CDC42BPA: variants seen among roughly 807,000 people sequenced by gnomAD.
The protein encoded by CDC42BPA is CDC42 binding protein kinase alpha.
A neutral mutation model predicts 223.5 loss-of-function variants in CDC42BPA; 80 were observed. The ratio of observed to expected loss-of-function variants is 0.36; its 90% CI spans 0.30 to 0.43. The LOEUF (loss-of-function observed/expected upper bound fraction) is 0.43. CDC42BPA is among the 20% of genes least tolerant of loss of function. The pLI is 1.00. For missense variants in CDC42BPA, 1,743 were observed against 2,099.9 expected, an observed-to-expected ratio of 0.83 and a Z score of 3.32; for synonymous variants, 694 against 718.6, an observed-to-expected ratio of 0.97 and a Z score of 0.55.
intron 1 of CDC42BPA, 47 bp from the exon 2 acceptor site, chr1:227,254,202 G>A (rs1332261788): frequency 1.0e-6 from 1 of 952,564 alleles, no homozygotes; most frequent in Middle Eastern, 2.1e-4. Flanking sequence ...AAAATGTGAT[G>A]CAAATTAGAT....
At chr1:226,996,653 T>C (rs1012543658) in intron 35 of CDC42BPA, among the ~76,000 whole-genome samples, 1 of 152,230 alleles carries the variant, frequency 6.6e-6, no homozygotes, top group Admixed American at 6.6e-5. Flanking sequence ...ACCTAGTTTA[T>C]TGAGTTTTTA....
chr1:227,152,054 C>T (rs976885934), intron 6 of CDC42BPA, among the ~76,000 whole-genome samples: 2 of 151,774 alleles, frequency 1.3e-5, no homozygotes, highest in Non-Finnish European at 2.9e-5. Flanking sequence ...TAAATAAATA[C>T]CTTGTCCATT....
chr1:227,201,088 A>G (rs1159602474), intron 3 of CDC42BPA, among the ~76,000 whole-genome samples: 2 of 152,174 alleles, frequency 1.3e-5, no homozygotes, highest in Non-Finnish European at 2.9e-5. Flanking sequence ...CACTTCCACT[A>G]CTATAAAAGT....
chr1:227,145,463 G>A (rs754851754), intron 8 of CDC42BPA, 26 bp downstream of exon 8: 1 of 1,595,724 alleles, frequency 6.3e-7, no homozygotes, highest in East Asian at 2.2e-5. Flanking sequence ...CAGAGGGACA[G>A]AACTTCTTCA....
Position 227,022,744 on chromosome 1 carries a change from C to A in CDC42BPA, c.4615+519G>T, listed in dbSNP as rs112840922. Among the ~76,000 whole-genome samples the A allele has an allele frequency of 1.1e-3, 169 of 152,218 alleles. 2 individuals carry two copies. Among genetic ancestry groups the A allele is most frequent in the African/African-American group, 3.8e-3 (157 of 41,522 alleles). On this transcript the variant is annotated intron_variant, in intron 32 of 36. Transcript: ENST00000366766. ...TTTGGTCACTGACCAAATATCCTCC[C>A]CTCCTGTCTGTAACACTCTGGGTCT...
chr1:227,078,655 A>G (rs1451523922), intron 17 of CDC42BPA, among the ~76,000 whole-genome samples: 1 of 152,058 alleles, frequency 6.6e-6, no homozygotes, highest in East Asian at 1.9e-4. Context: ...CAAAAGAGAG[A>G]GGAGGTGGAG....
At chr1:227,020,356 CT>C (rs1481646410) in intron 32 of CDC42BPA, among the ~76,000 whole-genome samples, 1 of 152,230 alleles carries the variant, frequency 6.6e-6, no homozygotes, top group Admixed American at 6.5e-5. Flanking sequence ...TAGATGACAT[CT>C]TCTTCCTACA....
intron 35 of CDC42BPA, 32 bp downstream of exon 35, chr1:227,004,962 C>T (rs758868964): frequency 6.8e-7 from 1 of 1,473,982 alleles, no homozygotes; most frequent in Non-Finnish European, 9.5e-7. Context: ...CACCCTGTCT[C>T]AGAGGCACCT....
At chr1:227,137,628 A>C (rs1253395547) in intron 10 of CDC42BPA, among the ~76,000 whole-genome samples, 2 of 151,632 alleles carry the variant, frequency 1.3e-5, no homozygotes. Flanking sequence ...CCAACAACAG[A>C]CTGGGTAATT....
At chr1:227,164,494 T>C (rs77599485) in intron 5 of CDC42BPA, among the ~76,000 whole-genome samples, 9,110 of 152,212 alleles carry the variant, frequency 0.06, 283 homozygotes, top group Non-Finnish European at 0.073. Flanking sequence ...AGTGAGACTC[T>C]GTCTCTATAA....
At chr1:227,180,840 A>T (rs1331851276) in intron 5 of CDC42BPA, among the ~76,000 whole-genome samples, 1 of 151,818 alleles carries the variant, frequency 6.6e-6, no homozygotes, top group Non-Finnish European at 1.5e-5. Flanking sequence ...AGCATTTTTG[A>T]AGTTATAGTT....
At chr1:227,310,556 GAA>G (rs1693329281) in intron 1 of CDC42BPA, among the ~76,000 whole-genome samples, 1 of 151,966 alleles carries the variant, frequency 6.6e-6, no homozygotes, top group South Asian at 2.1e-4. Flanking sequence ...GTACTGATTA[GAA>G]AAAGAGATGG....
chr1:227,098,397 A>G (rs561070275), intron 15 of CDC42BPA, among the ~76,000 whole-genome samples: 2 of 152,176 alleles, frequency 1.3e-5, no homozygotes, highest in Non-Finnish European at 2.9e-5. Context: ...TCTATACATC[A>G]GCCTATTTGA....
intron 20 of CDC42BPA, among the ~76,000 whole-genome samples, chr1:227,070,574 T>C (rs887175801): frequency 1.3e-5 from 2 of 151,920 alleles, no homozygotes; most frequent in Admixed American, 6.6e-5. Flanking sequence ...GTGTTTTTCA[T>C]ATTACTATCT....
At chr1:227,098,894 T>C (rs532431564) in intron 15 of CDC42BPA, among the ~76,000 whole-genome samples, 1 of 152,086 alleles carries the variant, frequency 6.6e-6, no homozygotes, top group South Asian at 2.1e-4. Context: ...AGTCATGTAA[T>C]GCATAATGAC....
chr1:227,166,859 T>TA (rs930936631), intron 5 of CDC42BPA, among the ~76,000 whole-genome samples: 1 of 151,886 alleles, frequency 6.6e-6, no homozygotes, highest in African/African-American at 2.4e-5. Context: ...CAATAGGCAG[T>TA]AAAACAAGCA....
At chr1:227,186,532 G>T (rs947735454) in intron 5 of CDC42BPA, among the ~76,000 whole-genome samples, 1 of 152,112 alleles carries the variant, frequency 6.6e-6, no homozygotes, top group Non-Finnish European at 1.5e-5. Flanking sequence ...TACAGAGGTG[G>T]CAGGGGTACT....
At chr1:227,126,027 C>G (rs1015283575) in intron 11 of CDC42BPA, among the ~76,000 whole-genome samples, 13 of 151,940 alleles carry the variant, frequency 8.6e-5, no homozygotes, top group African/African-American at 3.1e-4. Flanking sequence ...AGTTCTACAC[C>G]ACACCCAAGG....
At chr1:227,169,002 T>A (rs1203108761) in intron 5 of CDC42BPA, among the ~76,000 whole-genome samples, 1 of 152,186 alleles carries the variant, frequency 6.6e-6, no homozygotes, top group African/African-American at 2.4e-5. Context: ...TTACCTTCAA[T>A]AACTTCTGGC....
Sources: gnomAD v4.1 joint callset for allele counts (sites outside exome capture counted in the v4.1 genomes callset) on GRCh38, gnomAD v4.1.1 for gene constraint, MANE v1.5 for transcripts, NCBI Gene and HGNC (gene_info 2026-07-23, HGNC 2026-07-21) for gene names.